RPS27A: variants seen among roughly 807,000 people sequenced by gnomAD.
The protein encoded by RPS27A is ubiquitin-ribosomal protein eS31 fusion protein.
Under a neutral mutation model 18.9 loss-of-function variants are expected in RPS27A, and 1 was observed. The observed-to-expected ratio is 0.05, with a 90% CI of 0.02 to 0.25. RPS27A has a LOEUF of 0.25. RPS27A is among the 10% of genes least tolerant of loss of function. The probability of loss-of-function intolerance (pLI) is 1.00; values close to 1 mark genes in which losing one functional copy is unlikely to be tolerated. For synonymous variants in RPS27A, 77 were observed against 63.7 expected, an observed-to-expected ratio of 1.21 and a Z score of -0.99; for missense variants, 123 against 187.4, an observed-to-expected ratio of 0.66 and a Z score of 2.01.
chr2:55,235,580 G>C lies in RPS27A; in HGVS notation c.*3G>C, dbSNP rs1237538845. 6.2e-7 allele frequency: 1 copy of C among 1,600,602 alleles called. No homozygotes were observed. Among genetic ancestry groups the C allele is most frequent in the African/African-American group, 1.3e-5 (1 of 74,836 alleles). On this transcript the variant is annotated 3_prime_UTR_variant, in exon 6 of 6. Transcript: ENST00000272317. Reference sequence around the variant, plus strand: ...TCAACAAACCAGAAGACAAGTAACTGTATGAGTTAATAAAAGACATGAACT... The same window carrying C: ...TCAACAAACCAGAAGACAAGTAACTCTATGAGTTAATAAAAGACATGAACT...
At chr2:55,232,764 G>C (rs1675536848) in intron 1 of RPS27A, 44 bp from the exon 2 acceptor site, 3 of 1,493,470 alleles carry the variant, frequency 2.0e-6, no homozygotes, top group Non-Finnish European at 9.2e-7. Context: ...GCCTTCTCTT[G>C]TGATCCCTGA....
At chr2:55,235,277 A>T (rs759005331) in intron 5 of RPS27A, 151 bp from the exon 6 acceptor site, 1 of 885,342 alleles carries the variant, frequency 1.1e-6, no homozygotes, top group Non-Finnish European at 1.8e-6. Context: ...CATTGTAGCA[A>T]TGATAACTGG....
rs377223272 is a variant in RPS27A at position 55,234,975 on chromosome 2, A to C, written c.321+13A>C. The C allele has an allele frequency of 6.2e-6, 10 of 1,612,538 alleles. No individual in the cohort carries two copies. In the African/African-American group the frequency reaches 1.3e-4, roughly 21 times the overall value. ...GAAATATTATAAGGTGAGCCAGTTAAAGGGCAGAATGTCAGCAAAGTCTTG... is the reference window on the plus strand; with the variant it reads ...GAAATATTATAAGGTGAGCCAGTTACAGGGCAGAATGTCAGCAAAGTCTTG... On this transcript the variant is annotated intron_variant, in intron 5 of 5. Coordinates refer to ENST00000272317, the MANE Select transcript of RPS27A (RefSeq NM_002954.6).
chr2:55,235,696 G>A lies in RPS27A; in HGVS notation c.*119G>A. 3 of 1,151,640 alleles carry A rather than the reference G, an allele frequency of 2.6e-6. No individual in the cohort carries two copies. The highest frequency in any genetic ancestry group is 3.8e-6 in the Non-Finnish European group (3 of 783,276). The allele number at this position is 1,151,640 out of a possible 1,614,324, so 71.3% of individuals were successfully genotyped here. ...ACCATTTCCTTTTAGTAGTGCTACT[G>A]CTATCGCTGTGTGAATGTTGCCTCT... On this transcript the variant is annotated 3_prime_UTR_variant, in exon 6 of 6. Coordinates refer to ENST00000272317, the MANE Select transcript of RPS27A (RefSeq NM_002954.6).
intron 3 of RPS27A, chr2:55,233,665 T>C (rs141191490): frequency 2.8e-5 from 15 of 531,622 alleles, no homozygotes; most frequent in Middle Eastern, 1.0e-3. Context: ...GAGTCTCCTC[T>C]GTCGCCCAGG....
In RPS27A at chr2:55,233,005, G is replaced by C. The variant is rs1444962987; in HGVS notation, c.48+133G>C. ...TTCTAAAACTTAAGCTTTGAAATGAGTACCTTTTGCTGAGCAACGACCTAG... is the reference window on the plus strand; with the variant it reads ...TTCTAAAACTTAAGCTTTGAAATGACTACCTTTTGCTGAGCAACGACCTAG... On this transcript the variant is annotated intron_variant, in intron 2 of 5. Transcript: ENST00000272317. 6.1e-6 allele frequency: 5 copies of C among 818,174 alleles called. No homozygotes were observed. In the Admixed American group the frequency reaches 8.0e-5, roughly 13 times the overall value. 50.7% of individuals were successfully genotyped at this position (818,174 alleles called of 1,614,324 possible). A position where few individuals can be genotyped will look rare whatever the true frequency, so the allele number is the denominator to read the frequency against.
chr2:55,232,730 G>C (rs776603515), intron 1 of RPS27A, 22 bp downstream of exon 1: 329 of 1,135,070 alleles, frequency 2.9e-4, no homozygotes, highest in Non-Finnish European at 3.9e-4. Flanking sequence ...CACTTCGGCT[G>C]CTCTCGGGTT....
chr2:55,233,747 G>A (rs933099212), intron 3 of RPS27A: 2 of 472,400 alleles, frequency 4.2e-6, no homozygotes, highest in Non-Finnish European at 3.9e-6. Flanking sequence ...TTGTGCTTCA[G>A]CCTCCCTATT....
chr2:55,234,984 A>G, intron 5 of RPS27A, 22 bp downstream of exon 5: 1 of 1,611,926 alleles, frequency 6.2e-7, no homozygotes, highest in South Asian at 1.1e-5. Flanking sequence ...AAAGGGCAGA[A>G]TGTCAGCAAA....
At chr2:55,232,754 G>T (rs35302335) in intron 1 of RPS27A, 46 bp downstream of exon 1, 14,627 of 1,388,588 alleles carry the variant, frequency 0.011, 99 homozygotes, top group Non-Finnish European at 0.013. Context: ...ACCCTATGGT[G>T]CCTTCTCTTG....
Position 55,232,971 on chromosome 2 carries a change from G to A in RPS27A, c.48+99G>A, listed in dbSNP as rs573055584. ...TTTCCATGTCTTAGACCATGATTCCGAATTTGGGTTCTAAAACTTAAGCTT... is the reference window on the plus strand; with the variant it reads ...TTTCCATGTCTTAGACCATGATTCCAAATTTGGGTTCTAAAACTTAAGCTT... On this transcript the variant is annotated intron_variant, in intron 2 of 5. Transcript: ENST00000272317. The A allele has an allele frequency of 5.2e-5, 52 of 1,006,572 alleles. No individual in the cohort carries two copies. In the South Asian group the frequency reaches 6.2e-4, roughly 12 times the overall value. The allele number at this position is 1,006,572 out of a possible 1,614,324, so 62.4% of individuals were successfully genotyped here.
chr2:55,235,024 T>C (rs1033310120), intron 5 of RPS27A, 62 bp downstream of exon 5: 46 of 1,563,832 alleles, frequency 2.9e-5, no homozygotes, highest in Admixed American at 5.1e-5. Context: ...ACTTAATCTT[T>C]ATAGTACTTG....
In RPS27A at chr2:55,235,670, C is replaced by T; in HGVS notation, c.*93C>T. The T allele has an allele frequency of 3.6e-6, 5 of 1,395,440 alleles. No individual in the cohort carries two copies. The Admixed American group carries it at 5.0e-5, about 14-fold the overall frequency. The allele number at this position is 1,395,440 out of a possible 1,614,324, so 86.4% of individuals were successfully genotyped here. A position where few individuals can be genotyped will look rare whatever the true frequency, so the allele number is the denominator to read the frequency against. Reference sequence around the variant, plus strand: ...TTTTTAAGCACCAAATTGATGGTCACACCATTTCCTTTTAGTAGTGCTACT... The same window carrying T: ...TTTTTAAGCACCAAATTGATGGTCATACCATTTCCTTTTAGTAGTGCTACT... On this transcript the variant is annotated 3_prime_UTR_variant, in exon 6 of 6. Coordinates refer to ENST00000272317, the MANE Select transcript of RPS27A (RefSeq NM_002954.6).
At chr2:55,232,334 G>A (rs886747211), upstream of RPS27A, 9 of 240,628 alleles carry the variant, frequency 3.7e-5, no homozygotes, top group Non-Finnish European at 6.7e-5. Context: ...GTCCAAGGTA[G>A]AAGAAAGCAG....
chr2:55,234,664 C>T, intron 4 of RPS27A, 167 bp from the exon 5 acceptor site: 1 of 755,122 alleles, frequency 1.3e-6, no homozygotes, highest in Non-Finnish European at 2.2e-6. Context: ...TTTAATGTCC[C>T]TATAAACTGT....
At position 55,235,077 on chromosome 2, in the gene RPS27A, T is replaced by G. The variant is rs1675720230; in HGVS notation, c.321+115T>G. 6 of 1,159,412 alleles carry G rather than the reference T, an allele frequency of 5.2e-6. No homozygotes were observed. In the South Asian group the frequency reaches 8.0e-5, roughly 16 times the overall value. 71.8% of individuals were successfully genotyped at this position (1,159,412 alleles called of 1,614,324 possible). On this transcript the variant is annotated intron_variant, in intron 5 of 5. Coordinates refer to ENST00000272317, the MANE Select transcript of RPS27A (RefSeq NM_002954.6). ...TTAAACACCCAATATTATCCCACTT[T>G]GGTTTAAATGAGGTATTCTGGAAAT...
At chr2:55,233,170 C>A in intron 2 of RPS27A, 193 bp from the exon 3 acceptor site, 1 of 663,382 alleles carries the variant, frequency 1.5e-6, no homozygotes. Context: ...CGGCCGCCGC[C>A]CGCTCTGGGC....
intron 4 of RPS27A, 79 bp downstream of exon 4, chr2:55,234,283 A>G (rs2104222362): frequency 9.9e-7 from 1 of 1,009,348 alleles, no homozygotes; most frequent in African/African-American, 1.6e-5. Context: ...TTTTTGAGAC[A>G]GGCTCTGACT....
rs140387708 is a variant in RPS27A, at chr2:55,235,448, T to A, written c.342T>A (p.Ile114=). The A allele has an allele frequency of 2.0e-5, 33 of 1,612,004 alleles. No homozygotes were observed. Among genetic ancestry groups the A allele is most frequent in the Non-Finnish European group, 2.5e-5 (30 of 1,179,874 alleles). Residue 114 remains isoleucine (I), a synonymous_variant, in exon 6 of 6, where the codon ATT becomes ATA. Coordinates refer to ENST00000272317, the MANE Select transcript of RPS27A (RefSeq NM_002954.6). ...TTCAGGTGGATGAGAATGGCAAAATTAGTCGCCTTCGTCGAGAGTGCCCTT... is the reference window on the plus strand; with the variant it reads ...TTCAGGTGGATGAGAATGGCAAAATAAGTCGCCTTCGTCGAGAGTGCCCTT... ...KYYKVDENGK[I]SRLRRECPSD...
Sources: allele counts gnomAD v4.1 joint callset, GRCh38; gene constraint gnomAD v4.1.1; transcripts MANE v1.5; gene names NCBI Gene and HGNC (gene_info 2026-07-23, HGNC 2026-07-21).